The following NKIRAS1 variants were observed in gnomAD, a reference collection of about 807,000 sequenced individuals.
NKIRAS1 encodes NFKB inhibitor interacting Ras like 1.
Under a neutral mutation model 19.8 loss-of-function variants are expected in NKIRAS1, and 16 were observed. The observed-to-expected ratio is 0.81, with a 90% confidence interval of 0.55 to 1.23. The LOEUF (loss-of-function observed/expected upper bound fraction) is 1.23, where lower values mean the gene tolerates loss of function less well. Ranked by LOEUF, NKIRAS1 falls within the 50% of genes most tolerant of loss-of-function variation. NKIRAS1 has a pLI of 0.00. For missense variants in NKIRAS1, 184 were observed against 220.0 expected, an observed-to-expected ratio of 0.84 and a Z score of 1.04; for synonymous variants, 88 against 79.0, an observed-to-expected ratio of 1.11 and a Z score of -0.61.
chr3:23,930,052 G>A (rs955738407), intron 1 of NKIRAS1, among the ~76,000 whole-genome samples: 1 of 152,112 alleles, frequency 6.6e-6, no homozygotes, highest in Non-Finnish European at 1.5e-5. Context: ...CAAATTATAA[G>A]TACATAGAAT....
intron 1 of NKIRAS1, among the ~76,000 whole-genome samples, chr3:23,931,889 A>G (rs1705324339): frequency 6.6e-6 from 1 of 152,186 alleles, no homozygotes; most frequent in African/African-American, 2.4e-5. Flanking sequence ...TTCTATGGGC[A>G]CTGGGCAGAG....
upstream of NKIRAS1, chr3:23,918,625 G>A: frequency 6.3e-7 from 1 of 1,582,544 alleles, no homozygotes; most frequent in South Asian, 1.1e-5. Context: ...TGGGGATGGT[G>A]GGAGAGAGAG....
chr3:23,913,084 C>T (rs145406539), intron 1 of NKIRAS1, among the ~76,000 whole-genome samples: 118 of 144,312 alleles, frequency 8.2e-4, no homozygotes, highest in Middle Eastern at 7.2e-3. Context: ...TACAAATGTA[C>T]TTTGATCACT....
intron 1 of NKIRAS1, among the ~76,000 whole-genome samples, chr3:23,944,493 C>T (rs778005900): frequency 7.8e-4 from 119 of 152,302 alleles, no homozygotes; most frequent in Non-Finnish European, 1.1e-3. Context: ...CAGAATTCAC[C>T]TCAGCACGCA....
At chr3:23,944,824 TCG>T (rs1236202390) in intron 1 of NKIRAS1, among the ~76,000 whole-genome samples, 1 of 30,184 alleles carries the variant, frequency 3.3e-5, no homozygotes, top group African/African-American at 1.3e-4. Flanking sequence ...TGGAGGTCGG[TCG>T]GGTGGGAGCG....
chr3:23,902,907 T>C (rs1702660559), intron 3 of NKIRAS1, among the ~76,000 whole-genome samples: 1 of 152,228 alleles, frequency 6.6e-6, no homozygotes, highest in Non-Finnish European at 1.5e-5. Context: ...GTCCTCCGGC[T>C]TTCCCTTTCT....
At chr3:23,908,277 A>C (rs1703269118) in intron 3 of NKIRAS1, among the ~76,000 whole-genome samples, 1 of 152,184 alleles carries the variant, frequency 6.6e-6, no homozygotes, top group Non-Finnish European at 1.5e-5. Context: ...AGAGTAAAAA[A>C]GTTCACGAAT....
rs1303165373 is a variant in NKIRAS1 at position 23,900,898 on chromosome 3, G to A, written c.246C>T (p.Phe82=). 4.3e-6 allele frequency: 7 copies of A among 1,613,968 alleles called. No homozygotes were observed. The highest frequency in any genetic ancestry group is 1.7e-5 in the Admixed American group (1 of 59,998). Residue 82 remains phenylalanine, a synonymous_variant, in exon 4 of 5, where the codon TTC becomes TTT. Transcript: ENST00000425478. ...PKHYFSFADG[F]VLVYSVNNLE... is the part of the protein sequence containing the mutation. ...GGTTATTCACACTGTACACAAGAAC[G>A]AAGCCATCAGCAAATGAAAAATAAT...
intron 1 of NKIRAS1, among the ~76,000 whole-genome samples, chr3:23,942,945 G>A (rs76967231): frequency 1.5e-4 from 23 of 151,810 alleles, no homozygotes; most frequent in Non-Finnish European, 1.3e-4. Context: ...ATGGAGTTTC[G>A]CCATATCGCC....
intron 3 of NKIRAS1, among the ~76,000 whole-genome samples, chr3:23,907,457 A>C (rs1252482857): frequency 3.3e-5 from 5 of 152,212 alleles, no homozygotes; most frequent in Non-Finnish European, 5.9e-5. Context: ...ATATGCCAGC[A>C]GCTCTCCAAC....
chr3:23,924,552 G>A (rs1705177310), intron 1 of NKIRAS1, among the ~76,000 whole-genome samples: 1 of 152,002 alleles, frequency 6.6e-6, no homozygotes, highest in African/African-American at 2.4e-5. Context: ...TTACAGGTGT[G>A]CGCCACTACT....
At chr3:23,915,911 C>T (rs1373072905) in intron 1 of NKIRAS1, 1 of 152,194 alleles carries the variant, frequency 6.6e-6, no homozygotes, top group East Asian at 1.9e-4. Context: ...CTCCCCTTAT[C>T]TTTTTTCCTT....
At chr3:23,900,297 T>C (rs778990747) in intron 4 of NKIRAS1, among the ~76,000 whole-genome samples, 11 of 152,166 alleles carry the variant, frequency 7.2e-5, no homozygotes, top group Non-Finnish European at 1.6e-4. Flanking sequence ...AGTCAAATTC[T>C]GGTCCTAACT....
intron 1 of NKIRAS1, among the ~76,000 whole-genome samples, chr3:23,942,198 T>G (rs1705512801): frequency 6.6e-6 from 1 of 151,808 alleles, no homozygotes; most frequent in Admixed American, 6.6e-5. Context: ...AGGCTGGTCT[T>G]GAACTCCTGG....
intron 1 of NKIRAS1, among the ~76,000 whole-genome samples, chr3:23,944,641 A>C (rs528592757): frequency 3.3e-5 from 5 of 152,364 alleles, no homozygotes; most frequent in Non-Finnish European, 7.3e-5. Flanking sequence ...AAAGCGGCAT[A>C]ATCAAACGGG....
At chr3:23,931,199 T>G (rs940788138) in intron 1 of NKIRAS1, among the ~76,000 whole-genome samples, 1 of 152,182 alleles carries the variant, frequency 6.6e-6, no homozygotes, top group African/African-American at 2.4e-5. Context: ...GGTTTGAAAC[T>G]CTTCGTAAAG....
rs1483287759 is a variant in NKIRAS1, at chr3:23,893,331, T to C, written c.343A>G (p.Ile115Val). The C allele has an allele frequency of 1.2e-6, 2 of 1,612,980 alleles. No homozygotes were observed. The highest frequency in any genetic ancestry group is 1.1e-5 in the South Asian group (1 of 90,840). The change falls in exon 5 of 5, where the codon ATT becomes GTT. Residue 115 changes from isoleucine to valine, a missense_variant. Transcript: ENST00000425478. ...DKFKDKKEVAIVVLGNKIDLS... is the reference protein window; with the variant it reads ...DKFKDKKEVAVVVLGNKIDLS... ...TCGATTTTGTTTCCTAATACCACAA[T>C]TGCTACCTGAAAGAAAACGGATTGA...
intron 1 of NKIRAS1, among the ~76,000 whole-genome samples, chr3:23,931,179 T>C (rs1705308940): frequency 6.6e-6 from 1 of 152,192 alleles, no homozygotes; most frequent in South Asian, 2.1e-4. Context: ...ATTGACCTGG[T>C]TTCTGAAGTG....
chr3:23,893,392 T>C (rs1701627777), intron 4 of NKIRAS1, 55 bp from the exon 5 acceptor site: 9 of 1,497,552 alleles, frequency 6.0e-6, no homozygotes, highest in African/African-American at 1.4e-5. Flanking sequence ...CATCAGTTCC[T>C]GGGCAAAATG....
Sources: allele counts gnomAD v4.1 joint callset (sites outside exome capture counted in the v4.1 genomes callset), GRCh38; gene constraint gnomAD v4.1.1; transcripts MANE v1.5; gene names NCBI Gene and HGNC (gene_info 2026-07-23, HGNC 2026-07-21).